CREB5: variants seen among roughly 807,000 people sequenced by gnomAD.
CREB5 encodes the protein cAMP responsive element binding protein 5, also known as cyclic AMP-responsive element-binding protein 5.
CREB5 carries 19 observed loss-of-function variants against 57.1 expected under a neutral mutation model. That is an observed-to-expected ratio of 0.33 (90% CI 0.23 to 0.49). The LOEUF is 0.49. Ranked by LOEUF, CREB5 falls within the 20% of genes least tolerant of loss-of-function variation. CREB5 has a pLI of 0.99. For synonymous variants in CREB5, 238 were observed against 238.3 expected, an observed-to-expected ratio of 1.00 and a Z score of 0.01; for missense variants, 579 against 671.6, an observed-to-expected ratio of 0.86 and a Z score of 1.52.
At chr7:28,305,310 C>T (rs186095775) in intron 1 of CREB5, among the ~76,000 whole-genome samples, 26 of 152,290 alleles carry the variant, frequency 1.7e-4, no homozygotes, top group African/African-American at 6.3e-4. Context: ...CAGCCTTTTG[C>T]TCTTTCCTTC....
At chr7:28,600,731 C>G in intron 5 of CREB5, among the ~76,000 whole-genome samples, 1 of 152,124 alleles carries the variant, frequency 6.6e-6, no homozygotes, top group Admixed American at 6.6e-5. Context: ...CACATTGTGT[C>G]AAAGCCAAAG....
chr7:28,428,029 A>T (rs1788574715), intron 1 of CREB5, among the ~76,000 whole-genome samples: 1 of 152,026 alleles, frequency 6.6e-6, no homozygotes, highest in Non-Finnish European at 1.5e-5. Flanking sequence ...GTTCTCTTTC[A>T]TGTTTCAGTT....
intron 5 of CREB5, among the ~76,000 whole-genome samples, chr7:28,684,248 C>G (rs1406623558): frequency 1.3e-5 from 2 of 152,204 alleles, no homozygotes; most frequent in Non-Finnish European, 1.5e-5. Context: ...GTGGACCAAA[C>G]TTTATAACAA....
chr7:28,388,579 G>A (rs1325932238), intron 1 of CREB5, among the ~76,000 whole-genome samples: 1 of 152,130 alleles, frequency 6.6e-6, no homozygotes, highest in Admixed American at 6.5e-5. Context: ...ATTTCATCCA[G>A]CATTTCTAGG....
chr7:28,760,488 C>T (rs558933845), intron 7 of CREB5, among the ~76,000 whole-genome samples: 14 of 152,266 alleles, frequency 9.2e-5, no homozygotes, highest in African/African-American at 1.4e-4. Context: ...ATGCTGCCTC[C>T]GCATGTTTGT....
At chr7:28,582,513 C>G (rs965348385) in intron 5 of CREB5, among the ~76,000 whole-genome samples, 1 of 152,114 alleles carries the variant, frequency 6.6e-6, no homozygotes, top group African/African-American at 2.4e-5. Context: ...CAAGGTGTTT[C>G]CATGAAAAGC....
chr7:28,560,951 CGTGTGTGTGCGTGTGTGTGTGCGTGT>C (rs1326330787), intron 4 of CREB5, among the ~76,000 whole-genome samples: 1,364 of 38,964 alleles, frequency 0.035, 191 homozygotes, highest in African/African-American at 0.11. Flanking sequence ...CGTGTGTGTG[CGTGTGTGTGCGTGTGTGTGTGCGTGT>C]GTGCGTGCGT....
At chr7:28,682,850 T>G (rs1310083820) in intron 5 of CREB5, among the ~76,000 whole-genome samples, 1 of 152,198 alleles carries the variant, frequency 6.6e-6, no homozygotes, top group Non-Finnish European at 1.5e-5. Flanking sequence ...GTTGTGCCTT[T>G]TCTATTGGGT....
At chr7:28,408,197 G>A (rs1787630387), upstream of CREB5, among the ~76,000 whole-genome samples, 1 of 152,216 alleles carries the variant, frequency 6.6e-6, no homozygotes, top group Non-Finnish European at 1.5e-5. Context: ...GTCTGCCTTA[G>A]CTCACCTGTA....
At chr7:28,742,267 T>C (rs1804402612) in intron 7 of CREB5, among the ~76,000 whole-genome samples, 1 of 151,486 alleles carries the variant, frequency 6.6e-6, no homozygotes, top group Non-Finnish European at 1.5e-5. Context: ...TACTTCATAT[T>C]AGAAAATGAG....
intron 7 of CREB5, among the ~76,000 whole-genome samples, chr7:28,745,080 G>A (rs555231047): frequency 1.3e-5 from 2 of 152,348 alleles, no homozygotes; most frequent in African/African-American, 4.8e-5. Context: ...ACAATTCTGA[G>A]AGTGAATATC....
At chr7:28,581,443 A>G (rs1282023329) in intron 5 of CREB5, among the ~76,000 whole-genome samples, 1 of 152,140 alleles carries the variant, frequency 6.6e-6, no homozygotes, top group African/African-American at 2.4e-5. Context: ...ATTCTTCCAG[A>G]CGTTATTTTT....
At position 28,400,172 on chromosome 7, in the gene CREB5, C is replaced by T. The variant is rs114099997; in HGVS notation, c.-24-94734C>T. On this transcript the variant is annotated intron_variant, in intron 1 of 9. Coordinates refer to the CREB5 transcript ENST00000396299. ...GACAAAGTGTCTTGAAATAAAAACA[C>T]AGCAGAGCATGATGGACAATGGGGA... is the stretch of plus-strand genomic sequence containing the variant. 6.9e-3 allele frequency among the ~76,000 whole-genome samples: 1,052 copies of T among 152,284 alleles called. 14 individuals carry two copies. Among genetic ancestry groups the T allele is most frequent in the African/African-American group, 0.024 (1,014 of 41,552 alleles).
At chr7:28,370,462 G>T (rs975085130) in intron 1 of CREB5, among the ~76,000 whole-genome samples, 14 of 152,124 alleles carry the variant, frequency 9.2e-5, no homozygotes, top group Non-Finnish European at 1.6e-4. Flanking sequence ...GTGACGTTCT[G>T]GTTCATTCAA....
chr7:28,560,881 T>TGCGCGCGTGCGTGCGCGTGCGTGCGC (rs1388491335), intron 4 of CREB5, among the ~76,000 whole-genome samples: 1 of 46,206 alleles, frequency 2.2e-5, no homozygotes, highest in Non-Finnish European at 4.1e-5. Context: ...TGCGCGTGCG[T>TGCGCGCGTGCGTGCGCGTGCGTGCGC]GCGTGCGTGT....
chr7:28,762,380 T>G (rs182762790), intron 7 of CREB5, among the ~76,000 whole-genome samples: 33 of 152,316 alleles, frequency 2.2e-4, no homozygotes, highest in Non-Finnish European at 4.0e-4. Flanking sequence ...TTGTGCTTGG[T>G]GGTTTGGATT....
intron 5 of CREB5, among the ~76,000 whole-genome samples, chr7:28,577,690 T>C (rs1035735671): frequency 2.0e-5 from 3 of 152,194 alleles, no homozygotes; most frequent in African/African-American, 4.8e-5. Context: ...AACTTAACTT[T>C]CCCAGGTTTA....
chr7:28,732,834 T>G (rs931817826), intron 7 of CREB5, among the ~76,000 whole-genome samples: 6 of 124,504 alleles, frequency 4.8e-5, no homozygotes, highest in Admixed American at 1.7e-4. Flanking sequence ...TTCCTAAAGG[T>G]TTAGGGTTGT....
chr7:28,400,705 A>G (rs2127999608), intron 1 of CREB5, among the ~76,000 whole-genome samples: 1 of 152,344 alleles, frequency 6.6e-6, no homozygotes, highest in Non-Finnish European at 1.5e-5. Flanking sequence ...AAGAACGAGG[A>G]GGAATCGCTG....
Sources: allele counts gnomAD v4.1 joint callset (sites outside exome capture counted in the v4.1 genomes callset), GRCh38; gene constraint gnomAD v4.1.1; transcripts MANE v1.5; gene names NCBI Gene and HGNC (gene_info 2026-07-23, HGNC 2026-07-21).